PACRG: variants seen among roughly 807,000 people sequenced by gnomAD.
The protein encoded by PACRG is parkin coregulated.
Under a neutral mutation model 29.7 loss-of-function variants are expected in PACRG, and 29 were observed. The observed-to-expected ratio is 0.98, with a 90% CI of 0.73 to 1.33. The LOEUF is 1.33. Among genes scored for constraint, PACRG ranks in the 40% most tolerant of loss-of-function variants. PACRG has a pLI of 0.00. For synonymous variants in PACRG, 116 were observed against 118.7 expected (o/e 0.98, Z 0.15); for missense variants, 279 against 316.2 (o/e 0.88, Z 0.89).
At chr6:162,912,881 T>G (rs765073689) in intron 2 of PACRG, among the ~76,000 whole-genome samples, 13 of 151,538 alleles carry the variant, frequency 8.6e-5, no homozygotes, top group Non-Finnish European at 1.5e-4. Flanking sequence ...ACACATTATA[T>G]TCTTATAAAT....
chr6:162,820,783 G>A (rs1247791778), intron 2 of PACRG, among the ~76,000 whole-genome samples: 1 of 152,058 alleles, frequency 6.6e-6, no homozygotes, highest in East Asian at 1.9e-4. Context: ...ATTGTCCTGG[G>A]TTTCTATTTC....
intron 1 of PACRG, among the ~76,000 whole-genome samples, chr6:162,783,718 G>T (rs996692289): frequency 6.6e-6 from 1 of 151,986 alleles, no homozygotes; most frequent in Non-Finnish European, 1.5e-5. Context: ...ATTCCTGGAA[G>T]TATAATTGTT....
chr6:163,207,718 A>G (rs1310978279), intron 4 of PACRG, among the ~76,000 whole-genome samples: 2 of 152,200 alleles, frequency 1.3e-5, no homozygotes, highest in Non-Finnish European at 2.9e-5. Flanking sequence ...TTAATATTAG[A>G]TTAAAATGCA....
intron 2 of PACRG, among the ~76,000 whole-genome samples, chr6:163,028,972 C>T (rs188758636): frequency 5.2e-4 from 79 of 152,320 alleles, no homozygotes; most frequent in East Asian, 1.9e-3. Flanking sequence ...GATGCGATTA[C>T]GTTAACAGGT....
chr6:162,731,956 T>G lies in PACRG; in HGVS notation c.156+3565T>G, dbSNP rs192544021. On this transcript the variant is annotated intron_variant, in intron 1 of 4. Transcript: ENST00000366888. The stretch of plus-strand genomic sequence containing the variant: ...AGGCAGGTGCAGGGGCATAGGAGCA[T>G]GTTTGTTCTTTGCATCCTGTAAAAT... Among the ~76,000 whole-genome samples, 3 of 152,058 alleles carry G rather than the reference T, an allele frequency of 2.0e-5. No homozygotes were observed. In the East Asian group the frequency reaches 5.8e-4, roughly 29 times the overall value.
chr6:163,227,257 G>A (rs76450330), intron 4 of PACRG, among the ~76,000 whole-genome samples: 1 of 152,240 alleles, frequency 6.6e-6, no homozygotes, highest in Non-Finnish European at 1.5e-5. Context: ...CACATCACAA[G>A]ATGAAAGCAG....
intron 4 of PACRG, among the ~76,000 whole-genome samples, chr6:163,150,712 A>G (rs1778047344): frequency 6.6e-6 from 1 of 152,234 alleles, no homozygotes; most frequent in Admixed American, 6.5e-5. Context: ...GTAACGATCC[A>G]TTGGCGGTTA....
intron 2 of PACRG, among the ~76,000 whole-genome samples, chr6:162,956,810 T>G (rs1349901852): frequency 6.6e-6 from 1 of 152,152 alleles, no homozygotes; most frequent in African/African-American, 2.4e-5. Flanking sequence ...TGACTACATC[T>G]GCAAACAAGC....
At chr6:163,035,066 G>A (rs1808034516) in intron 2 of PACRG, among the ~76,000 whole-genome samples, 1 of 152,118 alleles carries the variant, frequency 6.6e-6, no homozygotes, top group African/African-American at 2.4e-5. Flanking sequence ...GGTGCTGGTG[G>A]GAGTGTAGCA....
chr6:162,831,662 T>C (rs1430188442), intron 2 of PACRG, among the ~76,000 whole-genome samples: 2 of 152,084 alleles, frequency 1.3e-5, no homozygotes, highest in Non-Finnish European at 2.9e-5. Context: ...CCCATGCACC[T>C]CCACCCCACA....
intron 3 of PACRG, among the ~76,000 whole-genome samples, chr6:163,087,055 C>G (rs566177159): frequency 3.9e-5 from 6 of 152,008 alleles, no homozygotes; most frequent in Non-Finnish European, 7.4e-5. Context: ...GAGGGTAACC[C>G]CGCGGTACCT....
At chr6:162,751,096 C>A (rs1480721862) in intron 1 of PACRG, among the ~76,000 whole-genome samples, 1 of 152,066 alleles carries the variant, frequency 6.6e-6, no homozygotes, top group Non-Finnish European at 1.5e-5. Context: ...TGTTTCCAAG[C>A]CATATACATT....
intron 1 of PACRG, among the ~76,000 whole-genome samples, chr6:162,804,247 T>C (rs1786121020): frequency 6.6e-6 from 1 of 152,190 alleles, no homozygotes; most frequent in Admixed American, 6.5e-5. Context: ...TTTAAACAAA[T>C]AGACAATTTG....
intron 2 of PACRG, among the ~76,000 whole-genome samples, chr6:162,989,250 G>T (rs943412407): frequency 3.3e-5 from 5 of 152,182 alleles, no homozygotes; most frequent in African/African-American, 1.2e-4. Flanking sequence ...AACAGCAACT[G>T]CAGGAGGAGA....
chr6:162,741,454 A>T (rs1780589738), intron 1 of PACRG, among the ~76,000 whole-genome samples: 1 of 151,998 alleles, frequency 6.6e-6, no homozygotes, highest in Admixed American at 6.6e-5. Context: ...GCAGATAGCC[A>T]CCTTCTTGCT....
intron 2 of PACRG, among the ~76,000 whole-genome samples, chr6:162,895,159 A>G (rs1373541565): frequency 6.7e-6 from 1 of 149,552 alleles, no homozygotes; most frequent in Non-Finnish European, 1.5e-5. Context: ...GATCTCAGCT[A>G]CTCTGGAGGC....
In PACRG at chr6:163,160,821, C is replaced by G. The variant is rs560736253; in HGVS notation, c.613+71413C>G. Among the ~76,000 whole-genome samples the G allele has an allele frequency of 9.9e-5, 15 of 152,206 alleles. No individual in the cohort carries two copies. The East Asian group carries it at 2.7e-3, about 27-fold the overall frequency. On this transcript the variant is annotated intron_variant, in intron 4 of 4. Coordinates refer to ENST00000366888, the MANE Select transcript of PACRG (RefSeq NM_001080379.2). The stretch of plus-strand genomic sequence containing the variant: ...TTGAATATGCTTAAGGGAACAAAAC[C>G]CTCTCTTCTTGGAGGAATTCCCACC...
chr6:163,120,627 C>T (rs189954270), intron 4 of PACRG, among the ~76,000 whole-genome samples: 3 of 152,172 alleles, frequency 2.0e-5, no homozygotes, highest in East Asian at 3.9e-4. Context: ...CAGAAATCTG[C>T]GTCTACTTTC....
intron 4 of PACRG, among the ~76,000 whole-genome samples, chr6:163,259,128 A>G (rs1456259526): frequency 2.0e-5 from 3 of 152,170 alleles, no homozygotes; most frequent in African/African-American, 7.2e-5. Context: ...TAAGGTCATT[A>G]AGCAACCAAG....
Sources: gnomAD v4.1 joint callset for allele counts (sites outside exome capture counted in the v4.1 genomes callset) on GRCh38, gnomAD v4.1.1 for gene constraint, MANE v1.5 for transcripts, NCBI Gene and HGNC (gene_info 2026-07-23, HGNC 2026-07-21) for gene names.